The following GPHN variants were observed in gnomAD, a reference collection of about 807,000 sequenced individuals.
GPHN encodes gephyrin.
In GPHN, 17 loss-of-function variants were observed where a neutral mutation model predicts 95.5. The ratio of observed to expected loss-of-function variants is 0.18; its 90% CI spans 0.12 to 0.27. The LOEUF is 0.27. Among genes scored for constraint, GPHN ranks in the 10% least tolerant of loss-of-function variants. The probability of loss-of-function intolerance (pLI) is 1.00; values close to 1 mark genes in which losing one functional copy is unlikely to be tolerated. For synonymous variants in GPHN, 320 were observed against 322.5 expected (o/e 0.99, Z 0.08); for missense variants, 660 against 978.1 (o/e 0.67, Z 4.34).
intron 8 of GPHN, among the ~76,000 whole-genome samples, chr14:66,963,193 C>T (rs2069074798): frequency 6.6e-6 from 1 of 151,930 alleles, no homozygotes; most frequent in Admixed American, 6.6e-5. Context: ...GACTCATATA[C>T]CTCATCAAAT....
At chr14:67,442,502 G>T in the GPHN span, among the ~76,000 whole-genome samples, 2 of 152,296 alleles carry the variant, frequency 1.3e-5, no homozygotes, top group South Asian at 2.1e-4. Flanking sequence ...ATAAGGAACA[G>T]CTTCTCCTTC....
At chr14:66,637,854 C>CA (rs2064183016) in intron 1 of GPHN, among the ~76,000 whole-genome samples, 1 of 152,148 alleles carries the variant, frequency 6.6e-6, no homozygotes, top group Non-Finnish European at 1.5e-5. Context: ...CTTTAACCCT[C>CA]AGTACAACAC....
At chr14:66,571,431 T>G (rs968651314) in intron 1 of GPHN, among the ~76,000 whole-genome samples, 15 of 152,202 alleles carry the variant, frequency 9.9e-5, no homozygotes, top group Admixed American at 2.0e-4. Context: ...TCTCTCATTC[T>G]GTAGGCTGTC....
chr14:66,724,396 C>T (rs1292344565), intron 2 of GPHN, among the ~76,000 whole-genome samples: 1 of 152,132 alleles, frequency 6.6e-6, no homozygotes, highest in East Asian at 1.9e-4. Flanking sequence ...TCAGTTTTCT[C>T]CAAACTCTGT....
intron 2 of GPHN, among the ~76,000 whole-genome samples, chr14:66,717,735 GTGGCTT>G (rs1304485665): frequency 2.6e-5 from 4 of 152,170 alleles, no homozygotes; most frequent in African/African-American, 9.7e-5. Context: ...TCCAATGGCT[GTGGCTT>G]CCTGAGAGCC....
chr14:66,882,433 G>C (rs1278074051), intron 5 of GPHN, among the ~76,000 whole-genome samples: 1 of 151,652 alleles, frequency 6.6e-6, no homozygotes, highest in Non-Finnish European at 1.5e-5. Flanking sequence ...CATTACGTCT[G>C]TTTGAAATGG....
chr14:66,917,685 A>G (rs1319529461), intron 6 of GPHN, among the ~76,000 whole-genome samples: 2 of 152,202 alleles, frequency 1.3e-5, no homozygotes, highest in Non-Finnish European at 2.9e-5. Context: ...TTTAGCTAGC[A>G]TAGATAACAA....
intron 1 of GPHN, among the ~76,000 whole-genome samples, chr14:66,511,649 A>G (rs1166708461): frequency 6.6e-6 from 1 of 151,998 alleles, no homozygotes. Flanking sequence ...TTCAGTTGTA[A>G]ATTTGGCAAA....
intron 3 of GPHN, among the ~76,000 whole-genome samples, chr14:66,803,985 T>C (rs1488864360): frequency 6.6e-6 from 1 of 151,558 alleles, no homozygotes. Context: ...CTGTAAACTT[T>C]CAATGCATCT....
chr14:66,903,347 TCTC>T (rs981061130), intron 5 of GPHN, among the ~76,000 whole-genome samples: 2 of 152,202 alleles, frequency 1.3e-5, no homozygotes, highest in Admixed American at 1.3e-4. Context: ...CATTATATAA[TCTC>T]CTCCTTTGTC....
chr14:67,173,141 G>GA (rs1397362439), intron 21 of GPHN, among the ~76,000 whole-genome samples: 1 of 151,990 alleles, frequency 6.6e-6, no homozygotes, highest in African/African-American at 2.4e-5. Flanking sequence ...ACTACCACAG[G>GA]AAAAAAACAA....
At chr14:67,477,975 A>G in the GPHN span, among the ~76,000 whole-genome samples, 5 of 152,206 alleles carry the variant, frequency 3.3e-5, no homozygotes, top group African/African-American at 1.2e-4. Context: ...TAGTATTCCC[A>G]GTGCCTGGCA....
At chr14:67,573,983 A>T in the GPHN span, 1 of 885,368 alleles carries the variant, frequency 1.1e-6, no homozygotes, top group Non-Finnish European at 1.9e-6. This position sits in a 1 kb window ranked among gnomAD's most constrained non-coding sequence, Gnocchi z 4.8. Context: ...AATGAGCATG[A>T]ATGAAAGACT....
intron 3 of GPHN, among the ~76,000 whole-genome samples, chr14:66,801,318 G>A (rs1367675315): frequency 6.6e-6 from 1 of 152,014 alleles, no homozygotes; most frequent in Non-Finnish European, 1.5e-5. Context: ...TGCAGTCTGT[G>A]CTCATTTGTA....
rs141605671 is a variant in GPHN, at chr14:67,037,572, TA to T, written c.1006+13898del. Among the ~76,000 whole-genome samples, 1,276 of 151,836 alleles carry T rather than the reference TA, an allele frequency of 8.4e-3. 13 individuals are homozygous for T. Among genetic ancestry groups the T allele is most frequent in the African/African-American group, 0.029 (1,205 of 41,458 alleles). On this transcript the variant is annotated intron_variant, in intron 10 of 22. Transcript: ENST00000478722. The stretch of plus-strand genomic sequence containing the variant: ...TCTGATAAGGGGTTAATATCCAGAA[TA>T]TATAAAGAACCCCTACAACTCAGCA...
At chr14:66,782,504 C>T (rs1432136771) in intron 3 of GPHN, among the ~76,000 whole-genome samples, 1 of 152,020 alleles carries the variant, frequency 6.6e-6, no homozygotes, top group Non-Finnish European at 1.5e-5. Flanking sequence ...CTAAAAATGC[C>T]TAGGCATTAT....
intron 2 of GPHN, among the ~76,000 whole-genome samples, chr14:66,706,584 T>C (rs2069098800): frequency 6.6e-6 from 1 of 152,190 alleles, no homozygotes; most frequent in Non-Finnish European, 1.5e-5. Flanking sequence ...ATTTAATAAA[T>C]GGTGCTAGGA....
At chr14:66,670,013 T>C (rs907854171) in intron 1 of GPHN, among the ~76,000 whole-genome samples, 3 of 152,228 alleles carry the variant, frequency 2.0e-5, no homozygotes, top group African/African-American at 4.8e-5. Flanking sequence ...TATTTTTTAA[T>C]AAAACCTGAA....
chr14:66,613,596 A>G (rs145720167), intron 1 of GPHN, among the ~76,000 whole-genome samples: 59 of 152,260 alleles, frequency 3.9e-4, no homozygotes, highest in African/African-American at 1.4e-3. Context: ...AAGAGCTTCA[A>G]GTATTGATTT....
Sources: allele counts gnomAD v4.1 joint callset (sites outside exome capture counted in the v4.1 genomes callset), GRCh38; gene constraint gnomAD v4.1.1; non-coding constraint Gnocchi (gnomAD v3.1); transcripts MANE v1.5; gene names NCBI Gene and HGNC (gene_info 2026-07-23, HGNC 2026-07-21).